Variants in KCNMA1 observed in about 807,000 individuals in gnomAD.
The protein encoded by KCNMA1 is potassium calcium-activated channel subfamily M alpha 1, also known as Calcium-activated potassium channel subunit alpha-1.
In KCNMA1, 29 loss-of-function variants were observed where a neutral mutation model predicts 140.0. That is an observed-to-expected ratio of 0.21 (90% CI 0.15 to 0.28). The LOEUF is 0.28. Ranked by LOEUF, KCNMA1 falls within the 10% of genes least tolerant of loss-of-function variation. The pLI, the probability that KCNMA1 is intolerant of heterozygous loss-of-function variation, is 1.00. For synonymous variants in KCNMA1, 612 were observed against 611.9 expected, an observed-to-expected ratio of 1.00 and a Z score of 0.00; for missense variants, 880 against 1,602.2, an observed-to-expected ratio of 0.55 and a Z score of 7.70.
At chr10:77,002,697 C>A (rs2086890691) in intron 18 of KCNMA1, among the ~76,000 whole-genome samples, 1 of 152,122 alleles carries the variant, frequency 6.6e-6, no homozygotes. Context: ...TGCCCTTCAC[C>A]TTTGCCTTTC....
At chr10:77,065,060 C>T (rs780570909) in intron 14 of KCNMA1, among the ~76,000 whole-genome samples, 7 of 152,220 alleles carry the variant, frequency 4.6e-5, no homozygotes, top group Non-Finnish European at 1.0e-4. Flanking sequence ...TGGTCCCACC[C>T]AGCTGTCTGT....
At chr10:77,459,428 A>G (rs2097817749) in intron 1 of KCNMA1, among the ~76,000 whole-genome samples, 1 of 152,268 alleles carries the variant, frequency 6.6e-6, no homozygotes, top group South Asian at 2.1e-4. Context: ...CACAGCATGC[A>G]GCAACTATAC....
At chr10:77,293,972 C>G (rs1212666922) in intron 2 of KCNMA1, among the ~76,000 whole-genome samples, 1 of 152,238 alleles carries the variant, frequency 6.6e-6, no homozygotes, top group East Asian at 1.9e-4. Context: ...TCCAAGCACC[C>G]TGGCCCCAGC....
intron 1 of KCNMA1, among the ~76,000 whole-genome samples, chr10:77,462,266 C>T (rs1189554826): frequency 6.6e-6 from 1 of 152,070 alleles, no homozygotes; most frequent in Non-Finnish European, 1.5e-5. Flanking sequence ...TATACCCACA[C>T]TGATGCTAAC....
chr10:77,508,581 C>CTT (rs761735012), intron 1 of KCNMA1, among the ~76,000 whole-genome samples: 11,730 of 99,742 alleles, frequency 0.12, 866 homozygotes, highest in African/African-American at 0.24. Flanking sequence ...TTTTTCTTTT[C>CTT]TTTTTTTTTT....
chr10:77,233,811 G>A (rs1194087574), intron 3 of KCNMA1, among the ~76,000 whole-genome samples: 1 of 152,180 alleles, frequency 6.6e-6, no homozygotes, highest in Non-Finnish European at 1.5e-5. Flanking sequence ...TAGAGGCGAG[G>A]TGCCCCCAAC....
At chr10:77,582,833 T>C (rs1018222759) in intron 1 of KCNMA1, among the ~76,000 whole-genome samples, 3 of 152,202 alleles carry the variant, frequency 2.0e-5, no homozygotes, top group African/African-American at 7.2e-5. Context: ...GATAAGACTG[T>C]TTAGTAGACA....
intron 2 of KCNMA1, among the ~76,000 whole-genome samples, chr10:77,296,958 A>T (rs2154323840): frequency 6.6e-6 from 1 of 150,638 alleles, no homozygotes; most frequent in South Asian, 2.1e-4. Flanking sequence ...TTCCTTCTGG[A>T]GCTTTGGGAA....
chr10:76,976,069 T>C (rs1353445873), intron 19 of KCNMA1, among the ~76,000 whole-genome samples: 3 of 152,182 alleles, frequency 2.0e-5, no homozygotes, highest in Non-Finnish European at 2.9e-5. Flanking sequence ...AGCTAGGAAA[T>C]AGGAAACACA....
At chr10:77,362,127 G>A (rs568733662) in intron 2 of KCNMA1, among the ~76,000 whole-genome samples, 7 of 152,176 alleles carry the variant, frequency 4.6e-5, no homozygotes, top group South Asian at 2.1e-4. Context: ...TGTCTCACGC[G>A]AGGCTCCCAG....
chr10:77,545,057 C>T (rs1041956868), intron 1 of KCNMA1, among the ~76,000 whole-genome samples: 29 of 152,150 alleles, frequency 1.9e-4, no homozygotes, highest in African/African-American at 6.8e-4. Context: ...GATGAAGTCA[C>T]TGAATGATTA....
At chr10:77,146,900 A>T (rs576755905) in intron 5 of KCNMA1, among the ~76,000 whole-genome samples, 1 of 152,044 alleles carries the variant, frequency 6.6e-6, no homozygotes, top group Non-Finnish European at 1.5e-5. Context: ...CTCGGGTGTA[A>T]TGGATTGGTC....
intron 3 of KCNMA1, among the ~76,000 whole-genome samples, chr10:77,204,591 G>A (rs1414752022): frequency 6.6e-6 from 1 of 152,068 alleles, no homozygotes; most frequent in East Asian, 1.9e-4. Context: ...GAAGAAGAAA[G>A]GGGAAAAAAT....
chr10:77,402,321 G>C (rs1040797930), intron 2 of KCNMA1, among the ~76,000 whole-genome samples: 1 of 152,174 alleles, frequency 6.6e-6, no homozygotes, highest in African/African-American at 2.4e-5. Context: ...GTCCCCACTA[G>C]ACACTGTCCC....
intron 5 of KCNMA1, among the ~76,000 whole-genome samples, chr10:77,124,914 GC>G (rs2097700449): frequency 6.6e-6 from 1 of 152,182 alleles, no homozygotes; most frequent in Non-Finnish European, 1.5e-5. Context: ...GGCTGGAGAA[GC>G]CTCAGGAAAC....
intron 2 of KCNMA1, among the ~76,000 whole-genome samples, chr10:77,328,488 TA>T (rs1442827609): frequency 2.0e-5 from 3 of 152,104 alleles, no homozygotes; most frequent in African/African-American, 7.2e-5. Context: ...TGACATCCTA[TA>T]AAAGTCAGAA....
At chr10:76,898,954 CTT>C (rs1203565084) in intron 25 of KCNMA1, among the ~76,000 whole-genome samples, 2 of 151,594 alleles carry the variant, frequency 1.3e-5, no homozygotes, top group African/African-American at 2.4e-5. Context: ...AAAAAATAAA[CTT>C]ATGACAATAT....
intron 19 of KCNMA1, among the ~76,000 whole-genome samples, chr10:76,985,061 T>A (rs935028752): frequency 6.6e-6 from 1 of 152,232 alleles, no homozygotes; most frequent in Admixed American, 6.5e-5. Context: ...TGTCTTGCAA[T>A]CTATGCATAA....
At chr10:77,529,023 A>G (rs2056820556) in intron 1 of KCNMA1, among the ~76,000 whole-genome samples, 1 of 152,138 alleles carries the variant, frequency 6.6e-6, no homozygotes, top group South Asian at 2.1e-4. Context: ...AGATGGTTGA[A>G]CAGAATTCTG....
Sources: allele counts gnomAD v4.1 joint callset (sites outside exome capture counted in the v4.1 genomes callset), GRCh38; gene constraint gnomAD v4.1.1; transcripts MANE v1.5; gene names NCBI Gene and HGNC (gene_info 2026-07-23, HGNC 2026-07-21).